The following GLIS3 variants were observed in gnomAD, a reference collection of about 807,000 sequenced individuals.
GLIS3 encodes the protein GLIS family zinc finger 3.
GLIS3 carries 53 observed loss-of-function variants against 78.6 expected under a neutral mutation model. That is an observed-to-expected ratio of 0.67 (90% CI 0.54 to 0.85). GLIS3 has a LOEUF of 0.85. Among genes scored for constraint, GLIS3 ranks in the 40% least tolerant of loss-of-function variants. The pLI is 0.00. For synonymous variants in GLIS3, 684 were observed against 509.9 expected (o/e 1.34, Z -4.60); for missense variants, 1,703 against 1,231.1 (o/e 1.38, Z -5.74).
the GLIS3 span, among the ~76,000 whole-genome samples, chr9:4,353,404 G>A: frequency 6.6e-6 from 1 of 152,160 alleles, no homozygotes; most frequent in Admixed American, 6.5e-5. Flanking sequence ...AGGTGTGGGA[G>A]TTAACGAGCA....
intron 2 of GLIS3, among the ~76,000 whole-genome samples, chr9:4,191,075 A>T (rs1345369483): frequency 6.6e-6 from 1 of 151,924 alleles, no homozygotes; most frequent in African/African-American, 2.4e-5. Flanking sequence ...GCCACTGCAA[A>T]ATCATGCCAA....
At chr9:4,255,618 G>A (rs916841051) in intron 2 of GLIS3, among the ~76,000 whole-genome samples, 3 of 152,152 alleles carry the variant, frequency 2.0e-5, no homozygotes, top group African/African-American at 7.2e-5. Context: ...GTCTGAGAAG[G>A]CTACATACTG....
At chr9:4,487,718 C>T in the GLIS3 span, among the ~76,000 whole-genome samples, 4 of 151,220 alleles carry the variant, frequency 2.6e-5, no homozygotes, top group East Asian at 1.9e-4. Context: ...GATAGAGTCT[C>T]GCTCTGTCAC....
chr9:3,962,958 G>A (rs75966657), intron 4 of GLIS3, among the ~76,000 whole-genome samples: 1 of 149,064 alleles, frequency 6.7e-6, no homozygotes, highest in African/African-American at 2.5e-5. Context: ...GGGGGGGGGG[G>A]GAGAGAGATT....
intron 1 of GLIS3, among the ~76,000 whole-genome samples, chr9:4,290,293 G>A (rs1286189460): frequency 2.6e-5 from 4 of 152,066 alleles, no homozygotes; most frequent in Non-Finnish European, 5.9e-5. Context: ...TAGAAAACCC[G>A]ATAATGAGGC....
At chr9:4,154,341 A>C (rs1197042263) in intron 2 of GLIS3, among the ~76,000 whole-genome samples, 1 of 152,228 alleles carries the variant, frequency 6.6e-6, no homozygotes, top group Non-Finnish European at 1.5e-5. Flanking sequence ...GGAAAAGACA[A>C]TCAGCCATAA....
intron 4 of GLIS3, among the ~76,000 whole-genome samples, chr9:3,942,947 C>T (rs1164213053): frequency 1.3e-5 from 2 of 151,892 alleles, no homozygotes; most frequent in Non-Finnish European, 2.9e-5. Context: ...TAGTCTCACA[C>T]CTTAGGTGGT....
chr9:3,945,467 G>T (rs1005788407), intron 4 of GLIS3, among the ~76,000 whole-genome samples: 2 of 152,142 alleles, frequency 1.3e-5, no homozygotes, highest in Non-Finnish European at 2.9e-5. Flanking sequence ...AGGCTCTGCA[G>T]ATGATGCAAA....
At chr9:4,470,980 A>G in the GLIS3 span, among the ~76,000 whole-genome samples, 4 of 151,450 alleles carry the variant, frequency 2.6e-5, no homozygotes, top group South Asian at 2.1e-4. Context: ...CAGAGAGCCA[A>G]ATCATGAGTG....
chr9:4,179,637 C>T (rs1410285479), intron 2 of GLIS3, among the ~76,000 whole-genome samples: 3 of 152,128 alleles, frequency 2.0e-5, no homozygotes, highest in South Asian at 2.1e-4. Flanking sequence ...AGGCCAGGCA[C>T]GGTGGCTCAC....
At chr9:4,006,638 G>A (rs1416733247) in intron 4 of GLIS3, among the ~76,000 whole-genome samples, 1 of 152,134 alleles carries the variant, frequency 6.6e-6, no homozygotes, top group Non-Finnish European at 1.5e-5. Context: ...TCATCTCCAT[G>A]CACTAGATGA....
the GLIS3 span, among the ~76,000 whole-genome samples, chr9:4,398,523 T>C: frequency 0.02 from 2,995 of 151,974 alleles, 123 homozygotes; most frequent in African/African-American, 0.068. Context: ...TGGAGAACAT[T>C]GCCTCCTTCT....
intron 2 of GLIS3, chr9:4,144,865 C>T (rs1834088869): frequency 6.6e-6 from 1 of 152,104 alleles, no homozygotes; most frequent in African/African-American, 2.4e-5. Flanking sequence ...TAGAACTGTT[C>T]TGGGAAATAT....
the GLIS3 span, among the ~76,000 whole-genome samples, chr9:4,366,529 T>G: frequency 2.0e-5 from 3 of 152,214 alleles, no homozygotes; most frequent in Non-Finnish European, 4.4e-5. Flanking sequence ...TTTCCTGTAT[T>G]CAGAGAAGGA....
intron 9 of GLIS3, among the ~76,000 whole-genome samples, chr9:3,831,419 A>C (rs1273475875): frequency 6.6e-6 from 1 of 152,230 alleles, no homozygotes; most frequent in African/African-American, 2.4e-5. Flanking sequence ...AACAATGATA[A>C]AATGTCACAT....
At chr9:4,466,968 C>T in the GLIS3 span, among the ~76,000 whole-genome samples, 1 of 152,254 alleles carries the variant, frequency 6.6e-6, no homozygotes, top group Admixed American at 6.5e-5. Flanking sequence ...TAGCAAATGG[C>T]ACACCAGAAG....
chr9:4,090,177 T>G (rs12685064), intron 4 of GLIS3, among the ~76,000 whole-genome samples: 1 of 152,194 alleles, frequency 6.6e-6, no homozygotes, highest in African/African-American at 2.4e-5. Context: ...GTGACTGGCA[T>G]TGCCCCTTCC....
At chr9:4,258,917 T>C (rs894179161) in intron 2 of GLIS3, among the ~76,000 whole-genome samples, 1 of 152,194 alleles carries the variant, frequency 6.6e-6, no homozygotes, top group African/African-American at 2.4e-5. Context: ...CTCTGTACTT[T>C]TCCAATCGTA....
At chr9:4,407,542 G>T in the GLIS3 span, among the ~76,000 whole-genome samples, 1 of 152,244 alleles carries the variant, frequency 6.6e-6, no homozygotes, top group African/African-American at 2.4e-5. Context: ...AGCTACTCGG[G>T]AGGCTGAGGC....
Sources: allele counts gnomAD v4.1 joint callset (sites outside exome capture counted in the v4.1 genomes callset), GRCh38; gene constraint gnomAD v4.1.1; transcripts MANE v1.5; gene names NCBI Gene and HGNC (gene_info 2026-07-23, HGNC 2026-07-21).